Variants in SHROOM3 observed in about 807,000 individuals in gnomAD.
SHROOM3 encodes the protein shroom family member 3.
A neutral mutation model predicts 138.6 loss-of-function variants in SHROOM3; 47 were observed. The ratio of observed to expected loss-of-function variants is 0.34; its 90% CI spans 0.27 to 0.43. The LOEUF (loss-of-function observed/expected upper bound fraction) is 0.43, where lower values mean the gene tolerates loss of function less well. Among genes scored for constraint, SHROOM3 ranks in the 20% least tolerant of loss-of-function variants. The pLI is 1.00. For synonymous variants in SHROOM3, 1,062 were observed against 1,063.3 expected (o/e 1.00, Z 0.02); for missense variants, 2,491 against 2,596.5 (o/e 0.96, Z 0.88).
At chr4:76,770,938 A>G (rs1321517131) in intron 10 of SHROOM3, 40 bp downstream of exon 10, 2 of 1,613,192 alleles carry the variant, frequency 1.2e-6, no homozygotes, top group Non-Finnish European at 1.7e-6. Flanking sequence ...GTTCTCCCTC[A>G]AAGCCCACAT....
intron 2 of SHROOM3, among the ~76,000 whole-genome samples, chr4:76,614,764 T>G (rs1734837802): frequency 6.6e-6 from 1 of 152,142 alleles, no homozygotes; most frequent in South Asian, 2.1e-4. Flanking sequence ...AATGACTCAA[T>G]TTGAAATTTT....
At chr4:76,515,513 GTTA>G (rs1732426615) in intron 1 of SHROOM3, among the ~76,000 whole-genome samples, 1 of 152,156 alleles carries the variant, frequency 6.6e-6, no homozygotes, top group Non-Finnish European at 1.5e-5. Context: ...TCTTCAGAAT[GTTA>G]TTGTTATTAT....
chr4:76,524,781 C>T (rs935690209), intron 1 of SHROOM3, among the ~76,000 whole-genome samples: 5 of 152,144 alleles, frequency 3.3e-5, no homozygotes, highest in African/African-American at 4.8e-5. Context: ...AAGGGAAGGA[C>T]GTCCGTCATG....
intron 1 of SHROOM3, among the ~76,000 whole-genome samples, chr4:76,469,659 G>A (rs1282804144): frequency 2.0e-5 from 3 of 152,104 alleles, no homozygotes; most frequent in Admixed American, 1.3e-4. Context: ...GTTTCACCGG[G>A]TTGCCCAGGC....
intron 5 of SHROOM3, among the ~76,000 whole-genome samples, chr4:76,747,403 G>GT (rs1162256258): frequency 6.6e-6 from 1 of 152,100 alleles, no homozygotes; most frequent in Non-Finnish European, 1.5e-5. Context: ...ATTTTCCTTT[G>GT]TCAAGTGGTA....
intron 3 of SHROOM3, among the ~76,000 whole-genome samples, chr4:76,723,759 T>C (rs568560390): frequency 5.6e-4 from 86 of 152,294 alleles, no homozygotes; most frequent in African/African-American, 2.0e-3. Context: ...ACTTTCCTCA[T>C]TAATAGTCCT....
intron 2 of SHROOM3, among the ~76,000 whole-genome samples, chr4:76,597,310 G>T (rs1418954123): frequency 6.6e-6 from 1 of 152,062 alleles, no homozygotes; most frequent in East Asian, 1.9e-4. Context: ...TTCGAGGAGT[G>T]AGTGACTAGG....
chr4:76,762,924 C>G (rs948691049), intron 9 of SHROOM3, among the ~76,000 whole-genome samples: 2 of 151,948 alleles, frequency 1.3e-5, no homozygotes, highest in African/African-American at 4.8e-5. Context: ...AACCTGAGAT[C>G]AGCATTGAAG....
chr4:76,458,458 G>C (rs1272775572), intron 1 of SHROOM3, among the ~76,000 whole-genome samples: 1 of 152,078 alleles, frequency 6.6e-6, no homozygotes, highest in Non-Finnish European at 1.5e-5. Flanking sequence ...TACTTTTTCA[G>C]TAGCGTTGAG....
At chr4:76,594,255 C>T (rs1247132219) in intron 2 of SHROOM3, among the ~76,000 whole-genome samples, 1 of 152,168 alleles carries the variant, frequency 6.6e-6, no homozygotes, top group Non-Finnish European at 1.5e-5. Flanking sequence ...TTGTAGCTCT[C>T]CTGTTGATTC....
chr4:76,692,585 A>G (rs1372738447), intron 2 of SHROOM3, among the ~76,000 whole-genome samples: 1 of 152,248 alleles, frequency 6.6e-6, no homozygotes, highest in African/African-American at 2.4e-5. Context: ...AACCTTATTT[A>G]TAATGACCAA....
intron 2 of SHROOM3, among the ~76,000 whole-genome samples, chr4:76,683,479 C>G (rs1055581988): frequency 2.6e-5 from 4 of 152,204 alleles, no homozygotes; most frequent in Middle Eastern, 3.4e-3. Context: ...TCATTCTTTC[C>G]CCCTTTCTCT....
intron 2 of SHROOM3, among the ~76,000 whole-genome samples, chr4:76,674,134 A>G (rs1431195706): frequency 2.0e-5 from 3 of 152,088 alleles, no homozygotes; most frequent in South Asian, 2.1e-4. Flanking sequence ...TCTACTTCCC[A>G]AAGTGCTAGG....
At chr4:76,498,601 T>C (rs1440651472) in intron 1 of SHROOM3, among the ~76,000 whole-genome samples, 3 of 152,098 alleles carry the variant, frequency 2.0e-5, no homozygotes, top group Non-Finnish European at 4.4e-5. Flanking sequence ...TATATTCCAT[T>C]TTGACAAAAT....
chr4:76,491,983 T>C (rs1018521353), intron 1 of SHROOM3, among the ~76,000 whole-genome samples: 11 of 152,186 alleles, frequency 7.2e-5, no homozygotes, highest in Non-Finnish European at 4.4e-5. Flanking sequence ...TTGGATACCA[T>C]TTCTAGAAAA....
chr4:76,465,551 C>T (rs1002033908), intron 1 of SHROOM3, among the ~76,000 whole-genome samples: 1 of 152,216 alleles, frequency 6.6e-6, no homozygotes, highest in African/African-American at 2.4e-5. Flanking sequence ...AGTCCTCCTG[C>T]CTTCCCTCCT....
chr4:76,562,311 T>A (rs1474734106), intron 2 of SHROOM3, among the ~76,000 whole-genome samples: 1 of 152,196 alleles, frequency 6.6e-6, no homozygotes, highest in Non-Finnish European at 1.5e-5. Context: ...CCGTCCCATG[T>A]TTCTGAGGGT....
chr4:76,463,162 A>G (rs1236595119), intron 1 of SHROOM3, among the ~76,000 whole-genome samples: 1 of 152,224 alleles, frequency 6.6e-6, no homozygotes, highest in South Asian at 2.1e-4. Context: ...TGGACAATGA[A>G]GTCCAGGCTG....
At chr4:76,480,972 C>T (rs908914240) in intron 1 of SHROOM3, among the ~76,000 whole-genome samples, 1 of 152,160 alleles carries the variant, frequency 6.6e-6, no homozygotes, top group African/African-American at 2.4e-5. Context: ...CTCTGGGACA[C>T]AGCTAAAGCC....
Sources: allele counts gnomAD v4.1 joint callset (sites outside exome capture counted in the v4.1 genomes callset), GRCh38; gene constraint gnomAD v4.1.1; transcripts MANE v1.5; gene names NCBI Gene and HGNC (gene_info 2026-07-23, HGNC 2026-07-21).